Variants in MAP2K2 observed in about 807,000 individuals in gnomAD.
MAP2K2 encodes dual specificity mitogen-activated protein kinase kinase 2.
A neutral mutation model predicts 43.7 loss-of-function variants in MAP2K2; 24 were observed. That is an observed-to-expected ratio of 0.55 (90% CI 0.40 to 0.77). The LOEUF is 0.77. Among genes scored for constraint, MAP2K2 ranks in the 30% least tolerant of loss-of-function variants. The probability of loss-of-function intolerance (pLI) is 0.00; values close to 1 mark genes in which losing one functional copy is unlikely to be tolerated. For missense variants in MAP2K2, 470 were observed against 566.8 expected (o/e 0.83, Z 1.73); for synonymous variants, 244 against 239.7 (o/e 1.02, Z -0.17).
rs767770776 is a variant in MAP2K2 at position 4,123,831 on chromosome 19, G to A, written c.45C>T (p.Asn15=). 25 of 1,546,464 alleles carry A rather than the reference G, an allele frequency of 1.6e-5. No individual in the cohort carries two copies. In the South Asian group the frequency reaches 2.5e-4, roughly 16 times the overall value. Residue 15 remains asparagine (N), a synonymous_variant, in exon 1 of 11, where the codon AAC becomes AAT. Coordinates refer to ENST00000262948, the MANE Select transcript of MAP2K2 (RefSeq NM_030662.4). ...RKPVLPALTI[N]PTIAEGPSPT... ...GGGATGGGCCCTCGGCGATGGTAGG[G>A]TTGATGGTGAGCGCCGGCAGCACCG...
chr19:4,101,741 C>T lies in MAP2K2; in HGVS notation c.529-461G>A, dbSNP rs540505810. 5.9e-5 allele frequency among the ~76,000 whole-genome samples: 9 copies of T among 152,216 alleles called. No homozygotes were observed. The highest frequency in any genetic ancestry group is 4.1e-4 in the South Asian group (2 of 4,824). On this transcript the variant is annotated intron_variant, in intron 4 of 10. Coordinates refer to ENST00000262948, the MANE Select transcript of MAP2K2 (RefSeq NM_030662.4). This position sits in a 1 kb window ranked among gnomAD's most constrained non-coding sequence, Gnocchi z 6.3. ...CAGGCCCGCCCTGGAAGCAGCATCC[C>T]GAGAAGTGAAGCAAGCAGCACAGGC...
intron 10 of MAP2K2, 49 bp downstream of exon 10, chr19:4,094,404 G>A (rs1252862070): frequency 1.9e-6 from 3 of 1,542,676 alleles, no homozygotes; most frequent in Non-Finnish European, 1.8e-6. Flanking sequence ...CTGGGGCCTG[G>A]GTGGCAGCCT....
chr19:4,119,334 G>A (rs1304739594), intron 1 of MAP2K2, among the ~76,000 whole-genome samples: 1 of 152,088 alleles, frequency 6.6e-6, no homozygotes, highest in Non-Finnish European at 1.5e-5. Flanking sequence ...CAATTCTCCT[G>A]CCTCAGCCTC....
chr19:4,103,123 C>G, intron 3 of MAP2K2: 2 of 995,396 alleles, frequency 2.0e-6, no homozygotes, highest in Non-Finnish European at 2.4e-6. Context: ...CAGGAGGGAT[C>G]CCAGTGACGC....
chr19:4,102,836 G>A (rs41276860), intron 3 of MAP2K2: 267,986 of 1,198,338 alleles, frequency 0.22, 30,942 homozygotes, highest in Non-Finnish European at 0.24. Context: ...TTGTCTGTGC[G>A]CCACGGGAGG....
intron 2 of MAP2K2, among the ~76,000 whole-genome samples, chr19:4,113,537 G>C (rs1010881503): frequency 2.6e-5 from 4 of 152,158 alleles, no homozygotes; most frequent in Admixed American, 2.0e-4. Context: ...CTCAGGTTCG[G>C]AGCCTCGGAG....
At chr19:4,105,102 G>C (rs906048563) in intron 3 of MAP2K2, among the ~76,000 whole-genome samples, 1 of 151,568 alleles carries the variant, frequency 6.6e-6, no homozygotes, top group African/African-American at 2.4e-5. Flanking sequence ...GGGTATTGCA[G>C]CTGTGTACTG....
chr19:4,093,858 G>A (rs191478497), intron 10 of MAP2K2, among the ~76,000 whole-genome samples: 9 of 152,264 alleles, frequency 5.9e-5, no homozygotes, highest in South Asian at 2.1e-4. Flanking sequence ...TTTGAAGGTC[G>A]CTGACGGTGG....
chr19:4,101,008 C>T lies in MAP2K2; in HGVS notation c.705+11G>A, dbSNP rs202086678. ...GAGGAGAGCTGGAGGGGAGAGCCAG[C>T]GGGGACTCACAGCCATGTAGGAGCG... is the stretch of plus-strand genomic sequence containing the variant. On this transcript the variant is annotated intron_variant, in intron 6 of 10. Coordinates refer to ENST00000262948, the MANE Select transcript of MAP2K2 (RefSeq NM_030662.4). The surrounding 1 kb of genome is among the most constrained non-coding windows in gnomAD (Gnocchi z 6.3). The T allele has an allele frequency of 2.5e-4, 384 of 1,552,966 alleles. 3 individuals carry two copies. Among genetic ancestry groups the T allele is most frequent in the South Asian group, 1.8e-3 (151 of 84,276 alleles).
Position 4,101,294 on chromosome 19 carries a change from C to T in MAP2K2, c.529-14G>A, listed in dbSNP as rs756414078. ...GCCCCGGAGAACCTGCAGGGGAGCG[C>T]GGAGGGAGTCACGGGACAAGGCCAC... On this transcript the variant is annotated splice_polypyrimidine_tract_variant and intron_variant, in intron 4 of 10. Transcript: ENST00000262948. This position sits in a 1 kb window ranked among gnomAD's most constrained non-coding sequence, Gnocchi z 6.3. 2.7e-5 allele frequency: 43 copies of T among 1,572,272 alleles called. No homozygotes were observed. Among genetic ancestry groups the T allele is most frequent in the Middle Eastern group, 3.3e-4 (2 of 6,004 alleles).
chr19:4,119,873 T>C (rs544077672), intron 1 of MAP2K2, among the ~76,000 whole-genome samples: 1 of 152,354 alleles, frequency 6.6e-6, no homozygotes, highest in African/African-American at 2.4e-5. Context: ...CATCTGGAAA[T>C]TTCCAATCCC....
At chr19:4,113,337 C>A (rs1465341870) in intron 2 of MAP2K2, among the ~76,000 whole-genome samples, 1 of 152,124 alleles carries the variant, frequency 6.6e-6, no homozygotes, top group Non-Finnish European at 1.5e-5. Flanking sequence ...TTCTGTAATA[C>A]CTGGGGCCTG....
In MAP2K2 at chr19:4,090,836, C is replaced by T. The variant is rs188271658; in HGVS notation, c.1093-128G>A. ...AAAAAACAGAGGAGACCCTCCCTTC[C>T]CCACAGGAAGACGCACTCGGGGTAG... On this transcript the variant is annotated intron_variant, in intron 10 of 10. Transcript: ENST00000262948. The T allele has an allele frequency of 7.0e-3, 5,059 of 726,782 alleles. 33 individuals carry two copies. The highest frequency in any genetic ancestry group is 0.01 in the Non-Finnish European group (4,010 of 397,268). 45.0% of individuals were successfully genotyped at this position (726,782 alleles called of 1,614,324 possible). A position where few individuals can be genotyped will look rare whatever the true frequency, so the allele number is the denominator to read the frequency against.
At position 4,123,812 on chromosome 19, in the gene MAP2K2, G is replaced by A. The variant is rs766829845; in HGVS notation, c.64C>T (p.Pro22Ser). The change falls in exon 1 of 11, where the codon CCA becomes TCA. Residue 22 changes from proline to serine, a missense_variant. Transcript: ENST00000262948. ...LTINPTIAEG[P>S]SPTSEGASEA... ...GAGGCGCCCTCGCTGGTAGGGGATG[G>A]GCCCTCGGCGATGGTAGGGTTGATG... 9 of 1,566,420 alleles carry A rather than the reference G, an allele frequency of 5.7e-6. No homozygotes were observed. Among genetic ancestry groups the A allele is most frequent in the Non-Finnish European group, 7.8e-6 (9 of 1,161,180 alleles).
At position 4,095,468 on chromosome 19, in the gene MAP2K2, G is replaced by A. The variant is rs987549297; in HGVS notation, c.985-19C>T. On this transcript the variant is annotated intron_variant, in intron 8 of 10. Transcript: ENST00000262948. ...GAGGTGGCTGTGGAGGAGAACAGAG[G>A]GTGGGGTCAGCCCTGGGCATCGTCA... is the stretch of plus-strand genomic sequence containing the variant. 8 of 1,549,820 alleles carry A rather than the reference G, an allele frequency of 5.2e-6. No homozygotes were observed. The African/African-American group carries it at 9.6e-5, about 19-fold the overall frequency.
chr19:4,116,803 G>A (rs1471885564), intron 2 of MAP2K2, among the ~76,000 whole-genome samples: 4 of 149,148 alleles, frequency 2.7e-5, no homozygotes, highest in Non-Finnish European at 6.0e-5. Flanking sequence ...GGTGGTGTGT[G>A]CCTGTAATCC....
chr19:4,092,537 C>A lies in MAP2K2; in HGVS notation c.1093-1829G>T, dbSNP rs143423853. 4.5e-3 allele frequency among the ~76,000 whole-genome samples: 683 copies of A among 152,056 alleles called. 5 individuals are homozygous for A. Among genetic ancestry groups the A allele is most frequent in the African/African-American group, 0.016 (665 of 41,468 alleles). On this transcript the variant is annotated intron_variant, in intron 10 of 10. Transcript: ENST00000262948. ...CTGGAAGATGGAGTTTGCAGTGAGC[C>A]GAGATTGCGCCACTGCACTCCAGCC...
chr19:4,102,531 C>A (rs769157579), intron 3 of MAP2K2, 78 bp from the exon 4 acceptor site: 3 of 1,148,994 alleles, frequency 2.6e-6, no homozygotes, highest in Non-Finnish European at 3.8e-6. Flanking sequence ...CCACTCCCGG[C>A]GAGGGGGTGG....
intron 10 of MAP2K2, among the ~76,000 whole-genome samples, chr19:4,091,272 C>T (rs2040852127): frequency 6.6e-6 from 1 of 152,190 alleles, no homozygotes; most frequent in South Asian, 2.1e-4. Context: ...GCTCCAGAGC[C>T]CCTGGACTGT....
Sources: allele counts gnomAD v4.1 joint callset (sites outside exome capture counted in the v4.1 genomes callset), GRCh38; gene constraint gnomAD v4.1.1; non-coding constraint Gnocchi (gnomAD v3.1); transcripts MANE v1.5; gene names NCBI Gene and HGNC (gene_info 2026-07-23, HGNC 2026-07-21).